LRRC31: variants seen among roughly 807,000 people sequenced by gnomAD.
LRRC31 encodes the protein leucine-rich repeat-containing protein 31.
A neutral mutation model predicts 46.7 loss-of-function variants in LRRC31; 35 were observed. The ratio of observed to expected loss-of-function variants is 0.75; its 90% CI spans 0.57 to 0.99. LRRC31 has a LOEUF of 0.99. Ranked by LOEUF, LRRC31 falls within the 50% of genes least tolerant of loss-of-function variation. The pLI is 0.00. For synonymous variants in LRRC31, 236 were observed against 235.1 expected, an observed-to-expected ratio of 1.00 and a Z score of -0.03; for missense variants, 613 against 626.1, an observed-to-expected ratio of 0.98 and a Z score of 0.22.
At chr3:169,840,461 T>C (rs79465401) in intron 8 of LRRC31, 148 bp from the exon 9 acceptor site, 1 of 839,556 alleles carries the variant, frequency 1.2e-6, no homozygotes, top group Non-Finnish European at 1.9e-6. Flanking sequence ...ATTCAGGACA[T>C]CTGAAATTAG....
intron 8 of LRRC31, among the ~76,000 whole-genome samples, chr3:169,843,273 G>A (rs1357262381): frequency 6.6e-6 from 1 of 152,322 alleles, no homozygotes; most frequent in Admixed American, 6.5e-5. Flanking sequence ...TCTAGTAGCT[G>A]ACAGCAGCCC....
At chr3:169,869,298 G>C (rs1781421486) in intron 1 of LRRC31, among the ~76,000 whole-genome samples, 1 of 151,940 alleles carries the variant, frequency 6.6e-6, no homozygotes, top group Non-Finnish European at 1.5e-5. Context: ...TTGAACCCGG[G>C]AGGCAGAGGT....
intron 1 of LRRC31, among the ~76,000 whole-genome samples, chr3:169,866,713 A>T (rs959536647): frequency 1.2e-4 from 18 of 152,170 alleles, no homozygotes; most frequent in African/African-American, 4.1e-4. Context: ...TAATCCCAGT[A>T]CTTTGGGAGG....
chr3:169,851,327 C>T (rs1780757879), intron 7 of LRRC31, among the ~76,000 whole-genome samples: 2 of 152,092 alleles, frequency 1.3e-5, no homozygotes, highest in Non-Finnish European at 2.9e-5. Context: ...GCAGGAGAAT[C>T]ACTTAAACCT....
At chr3:169,842,155 T>A (rs886609335) in intron 8 of LRRC31, among the ~76,000 whole-genome samples, 4 of 152,150 alleles carry the variant, frequency 2.6e-5, no homozygotes, top group Admixed American at 6.5e-5. Flanking sequence ...TATTACATTT[T>A]AAAAAATCTA....
intron 8 of LRRC31, among the ~76,000 whole-genome samples, chr3:169,847,138 A>T (rs13326573): frequency 0.046 from 7,048 of 152,192 alleles, 402 homozygotes; most frequent in African/African-American, 0.13. Context: ...TCTCTGATTC[A>T]TTGTTTTATA....
chr3:169,844,799 G>A (rs1428982805), intron 8 of LRRC31, among the ~76,000 whole-genome samples: 1 of 151,994 alleles, frequency 6.6e-6, no homozygotes, highest in Non-Finnish European at 1.5e-5. Context: ...GGGAGTGGTG[G>A]CACATGCCTG....
At chr3:169,861,071 T>TG (rs1781137075) in intron 2 of LRRC31, among the ~76,000 whole-genome samples, 1 of 44,360 alleles carries the variant, frequency 2.3e-5, no homozygotes, top group African/African-American at 7.9e-5. Context: ...TTTCTTTTCC[T>TG]TTTTTTTTTT....
chr3:169,851,835 A>T (rs1457217866), intron 6 of LRRC31, 49 bp from the exon 7 acceptor site: 1 of 1,582,424 alleles, frequency 6.3e-7, no homozygotes, highest in East Asian at 2.2e-5. Context: ...TCTCACAGGG[A>T]GTCTTCTGGG....
At chr3:169,866,374 C>A (rs1160047692) in intron 1 of LRRC31, among the ~76,000 whole-genome samples, 1 of 152,124 alleles carries the variant, frequency 6.6e-6, no homozygotes, top group East Asian at 1.9e-4. Context: ...AACCAAGCAG[C>A]TTGGGTGGTC....
At chr3:169,860,757 A>C (rs541012311) in intron 2 of LRRC31, 29 bp from the exon 3 acceptor site, 4 of 1,600,266 alleles carry the variant, frequency 2.5e-6, no homozygotes, top group Non-Finnish European at 1.7e-6. Flanking sequence ...AAATACAGAT[A>C]TGTGTATGTG....
At chr3:169,858,325 G>A (rs1478156761) in intron 3 of LRRC31, among the ~76,000 whole-genome samples, 1 of 152,158 alleles carries the variant, frequency 6.6e-6, no homozygotes, top group Non-Finnish European at 1.5e-5. Flanking sequence ...AGGTCCCAGG[G>A]CAGAAATTTC....
Position 169,845,882 on chromosome 3 carries a change from CA to C in LRRC31, c.1327+2237del, listed in dbSNP as rs572192427. 1.3e-4 allele frequency among the ~76,000 whole-genome samples: 20 copies of C among 151,756 alleles called. No individual in the cohort carries two copies. The South Asian group carries it at 4.2e-3, about 32-fold the overall frequency. ...TATCAAAACTGAAAGCTTTGATCTGCAAAAAAACACTATCAAGAGAATGAAA... is the reference window on the plus strand; with the variant it reads ...TATCAAAACTGAAAGCTTTGATCTGCAAAAAACACTATCAAGAGAATGAAA... On this transcript the variant is annotated intron_variant, in intron 8 of 8. Coordinates refer to ENST00000316428, the MANE Select transcript of LRRC31 (RefSeq NM_024727.4).
chr3:169,860,471 G>T (rs1267982671), intron 3 of LRRC31, 90 bp downstream of exon 3: 4 of 1,346,250 alleles, frequency 3.0e-6, no homozygotes, highest in South Asian at 1.2e-5. Context: ...CAGGCAATCC[G>T]CCAGCCTCAG....
intron 7 of LRRC31, among the ~76,000 whole-genome samples, chr3:169,848,735 C>T (rs1222129758): frequency 1.3e-5 from 2 of 152,184 alleles, no homozygotes; most frequent in Admixed American, 6.5e-5. Context: ...GGATTACAGG[C>T]GTGAACCACC....
At chr3:169,865,691 T>C (rs1560635385) in intron 1 of LRRC31, among the ~76,000 whole-genome samples, 2 of 152,128 alleles carry the variant, frequency 1.3e-5, no homozygotes, top group Non-Finnish European at 2.9e-5. Context: ...CGCAGGGGTG[T>C]GTGGTTCCAC....
intron 4 of LRRC31, 42 bp from the exon 5 acceptor site, chr3:169,856,545 G>T: frequency 1.3e-6 from 2 of 1,526,916 alleles, no homozygotes; most frequent in Non-Finnish European, 1.8e-6. Flanking sequence ...AGGTAGGAGG[G>T]GAGTGGAGTT....
chr3:169,864,559 A>G (rs766384361), intron 1 of LRRC31, among the ~76,000 whole-genome samples: 2 of 152,218 alleles, frequency 1.3e-5, no homozygotes, highest in Admixed American at 6.5e-5. Context: ...GGAACCTCCT[A>G]TGCACATGGT....
At chr3:169,869,535 A>G in intron 1 of LRRC31, 98 bp downstream of exon 1, 1 of 1,070,088 alleles carries the variant, frequency 9.3e-7, no homozygotes, top group Non-Finnish European at 1.3e-6. Context: ...ATATACACCT[A>G]CTATGTACCC....
Sources: gnomAD v4.1 joint callset for allele counts (sites outside exome capture counted in the v4.1 genomes callset) on GRCh38, gnomAD v4.1.1 for gene constraint, MANE v1.5 for transcripts, NCBI Gene and HGNC (gene_info 2026-07-23, HGNC 2026-07-21) for gene names.